The following IQSEC1 variants were observed in gnomAD, a reference collection of about 807,000 sequenced individuals.
IQSEC1 encodes IQ motif and Sec7 domain ArfGEF 1.
In IQSEC1, 31 loss-of-function variants were observed where a neutral mutation model predicts 91.0. That is an observed-to-expected ratio of 0.34 (90% confidence interval 0.26 to 0.46). The LOEUF (loss-of-function observed/expected upper bound fraction) is 0.46. IQSEC1 is among the 20% of genes least tolerant of loss of function. IQSEC1 has a pLI of 1.00. For missense variants in IQSEC1, 1,388 were observed against 1,575.6 expected (o/e 0.88, Z 2.02); for synonymous variants, 699 against 662.6 (o/e 1.05, Z -0.84).
chr3:12,930,996 G>A (rs1356528703), intron 3 of IQSEC1, among the ~76,000 whole-genome samples: 1 of 152,142 alleles, frequency 6.6e-6, no homozygotes, highest in South Asian at 2.1e-4. Flanking sequence ...CAGCAAGCTC[G>A]CCACCTCCGG....
chr3:12,986,889 T>G (rs372725243), intron 1 of IQSEC1: 1 of 295,030 alleles, frequency 3.4e-6, no homozygotes, highest in East Asian at 1.3e-4. Context: ...CAGACCAAGA[T>G]AGAAGGAGCT....
At chr3:12,959,344 A>G (rs2125469418) in intron 1 of IQSEC1, among the ~76,000 whole-genome samples, 1 of 152,318 alleles carries the variant, frequency 6.6e-6, no homozygotes, top group Non-Finnish European at 1.5e-5. Flanking sequence ...CTTGAAGCTG[A>G]GAGCCACAAT....
At chr3:13,258,089 C>G (rs1695322777) in intron 1 of IQSEC1, among the ~76,000 whole-genome samples, 1 of 152,138 alleles carries the variant, frequency 6.6e-6, no homozygotes, top group African/African-American at 2.4e-5. Flanking sequence ...GATGAACAGG[C>G]AGAGCACAGA....
At position 13,259,995 on chromosome 3, in the gene IQSEC1, C is replaced by A. The variant is rs1695354212; in HGVS notation, c.272+22716G>T. ...TGGCAGGCAGACTTCTGCAAGGAAT[C>A]ACATTGTTCTAGCAAAAGTTGTGCC... is the stretch of plus-strand genomic sequence containing the variant. On this transcript the variant is annotated intron_variant, in intron 1 of 15. Transcript: ENST00000648114. This position sits in a 1 kb window ranked among gnomAD's most constrained non-coding sequence, Gnocchi z 4.6. 6.6e-6 allele frequency among the ~76,000 whole-genome samples: 1 copy of A among 152,266 alleles called. No homozygotes were observed. The highest frequency in any genetic ancestry group is 2.1e-4 in the South Asian group (1 of 4,832).
intron 2 of IQSEC1, among the ~76,000 whole-genome samples, chr3:13,161,829 T>TGCTGGGAGCTGTGTGGCTCGGA (rs1313031877): frequency 1.3e-5 from 2 of 152,214 alleles, no homozygotes; most frequent in African/African-American, 4.8e-5. Flanking sequence ...CTGTGCACCC[T>TGCTGGGAGCTGTGTGGCTCGGA]GCTGGGAGCT....
At chr3:13,089,095 T>C (rs1303675969) in intron 2 of IQSEC1, among the ~76,000 whole-genome samples, 1 of 152,192 alleles carries the variant, frequency 6.6e-6, no homozygotes, top group Non-Finnish European at 1.5e-5. Flanking sequence ...CCCACTCCTC[T>C]CCTATTGGCC....
chr3:13,234,650 G>C (rs1694894552), intron 1 of IQSEC1, among the ~76,000 whole-genome samples: 1 of 152,162 alleles, frequency 6.6e-6, no homozygotes, highest in Non-Finnish European at 1.5e-5. Flanking sequence ...GCAGCAGCGA[G>C]AATCAAGTGA....
Position 13,000,326 on chromosome 3 carries a change from T to C in IQSEC1, c.24-58461A>G, listed in dbSNP as rs185800816. 1.1e-3 allele frequency among the ~76,000 whole-genome samples: 172 copies of C among 152,306 alleles called. 1 individual carries two copies. Among genetic ancestry groups the C allele is most frequent in the African/African-American group, 3.7e-3 (154 of 41,558 alleles). On this transcript the variant is annotated intron_variant, in intron 1 of 13. Transcript: ENST00000613206. ...AATTCATAGAAAGCTCATGTCTCTT[T>C]GTATATTAGCTGAAGTCCAAACCCA...
rs1325379464 is a variant in IQSEC1 at position 12,961,733 on chromosome 3, C to A, written c.24-19868G>T. On this transcript the variant is annotated intron_variant, in intron 1 of 13. Transcript: ENST00000613206. Reference sequence around the variant, plus strand: ...AAACTTCTCGGGCCTAAAACATCAGCTAAAGGATGCCATGTTTCTGGTGCT... The same window carrying A: ...AAACTTCTCGGGCCTAAAACATCAGATAAAGGATGCCATGTTTCTGGTGCT... 2.6e-5 allele frequency among the ~76,000 whole-genome samples: 4 copies of A among 152,232 alleles called. No individual in the cohort carries two copies. The East Asian group carries it at 7.7e-4, about 29-fold the overall frequency.
Position 13,138,170 on chromosome 3 carries a change from G to A in IQSEC1, c.302+25934C>T, listed in dbSNP as rs745915837. Among the ~76,000 whole-genome samples the A allele has an allele frequency of 1.1e-4, 17 of 152,316 alleles. 1 individual carries two copies. In the Middle Eastern group the frequency reaches 0.01, roughly 91 times the overall value. ...ACAAGTCTTGTCTTCCTCACGCCCCGGCTGATGGGCACAGCACTCTCTCTC... is the reference window on the plus strand; with the variant it reads ...ACAAGTCTTGTCTTCCTCACGCCCCAGCTGATGGGCACAGCACTCTCTCTC... On this transcript the variant is annotated intron_variant, in intron 2 of 15. Coordinates refer to the IQSEC1 transcript ENST00000648114.
intron 2 of IQSEC1, among the ~76,000 whole-genome samples, chr3:13,091,070 G>A (rs980386370): frequency 6.6e-6 from 1 of 152,178 alleles, no homozygotes; most frequent in Non-Finnish European, 1.5e-5. Context: ...TCTGTGCTCG[G>A]TTTCTACGGC....
intron 1 of IQSEC1, among the ~76,000 whole-genome samples, chr3:13,014,790 C>T (rs180868470): frequency 2.0e-5 from 3 of 152,264 alleles, no homozygotes; most frequent in Non-Finnish European, 2.9e-5. Flanking sequence ...CAGGGAACAT[C>T]CCCCAACACG....
intron 1 of IQSEC1, among the ~76,000 whole-genome samples, chr3:13,013,833 T>A (rs1702996987): frequency 6.6e-6 from 1 of 152,238 alleles, no homozygotes; most frequent in Non-Finnish European, 1.5e-5. Flanking sequence ...AAATGAATGA[T>A]GTGCATGAAA....
intron 1 of IQSEC1, among the ~76,000 whole-genome samples, chr3:13,028,052 T>C (rs1703688936): frequency 6.6e-6 from 1 of 152,212 alleles, no homozygotes; most frequent in African/African-American, 2.4e-5. Flanking sequence ...AAGCTGCCCA[T>C]GATTGCTTCA....
Position 12,922,644 on chromosome 3 carries a change from A to G in IQSEC1, c.1731-402T>C, listed in dbSNP as rs1696738978. ...TTGGGGAGTTTGCTGCCATTTTCACAGTGAGGAAAGGGGCGCCCAGGGTGT... is the reference window on the plus strand; with the variant it reads ...TTGGGGAGTTTGCTGCCATTTTCACGGTGAGGAAAGGGGCGCCCAGGGTGT... On this transcript the variant is annotated intron_variant, in intron 4 of 13. Transcript: ENST00000613206. The surrounding 1 kb of genome is among the most constrained non-coding windows in gnomAD (Gnocchi z 5.1). Among the ~76,000 whole-genome samples the G allele has an allele frequency of 7.2e-5, 11 of 152,200 alleles. No individual in the cohort carries two copies. The South Asian group carries it at 2.3e-3, about 32-fold the overall frequency.
chr3:12,923,160 C>T (rs1030506967), intron 4 of IQSEC1, among the ~76,000 whole-genome samples: 9 of 152,166 alleles, frequency 5.9e-5, no homozygotes, highest in Admixed American at 3.3e-4. Flanking sequence ...GCAGGAGCAG[C>T]GGCCCTGCAG....
intron 1 of IQSEC1, among the ~76,000 whole-genome samples, chr3:13,232,123 G>T (rs946403019): frequency 6.6e-6 from 1 of 152,188 alleles, no homozygotes; most frequent in Admixed American, 6.5e-5. Flanking sequence ...TATAAAATAC[G>T]TGCTGGGTGT....
chr3:13,180,633 T>C (rs369359772), intron 1 of IQSEC1, among the ~76,000 whole-genome samples: 1 of 152,036 alleles, frequency 6.6e-6, no homozygotes, highest in Non-Finnish European at 1.5e-5. Flanking sequence ...TTGCTGCTGC[T>C]CACTCTTTGG....
At position 13,259,937 on chromosome 3, in the gene IQSEC1, C is replaced by T. The variant is rs139435391; in HGVS notation, c.272+22774G>A. On this transcript the variant is annotated intron_variant, in intron 1 of 15. Coordinates refer to the IQSEC1 transcript ENST00000648114. This position sits in a 1 kb window ranked among gnomAD's most constrained non-coding sequence, Gnocchi z 4.6. ...TTCTGCTTGCAATTAAGCAGATCTG[C>T]TTTCAAAATATGACTAATTAGAACA... Among the ~76,000 whole-genome samples the T allele has an allele frequency of 1.4e-4, 21 of 152,394 alleles. No homozygotes were observed. The highest frequency in any genetic ancestry group is 2.1e-4 in the Non-Finnish European group (14 of 68,040).
Sources: allele counts gnomAD v4.1 joint callset (sites outside exome capture counted in the v4.1 genomes callset), GRCh38; gene constraint gnomAD v4.1.1; non-coding constraint Gnocchi (gnomAD v3.1); transcripts MANE v1.5; gene names NCBI Gene and HGNC (gene_info 2026-07-23, HGNC 2026-07-21).